GAS7: variants seen among roughly 807,000 people sequenced by gnomAD.
GAS7 encodes the protein growth arrest-specific protein 7.
Under a neutral mutation model 71.1 loss-of-function variants are expected in GAS7, and 28 were observed. That is an observed-to-expected ratio of 0.39 (90% confidence interval 0.29 to 0.54). GAS7 has a LOEUF of 0.54. Among genes scored for constraint, GAS7 ranks in the 20% least tolerant of loss-of-function variants. The pLI, the probability that GAS7 is intolerant of heterozygous loss-of-function variation, is 0.62. For missense variants in GAS7, 436 were observed against 627.8 expected (o/e 0.69, Z 3.27); for synonymous variants, 258 against 245.8 (o/e 1.05, Z -0.46).
intron 2 of GAS7, among the ~76,000 whole-genome samples, chr17:10,006,807 T>C (rs929210033): frequency 1.3e-5 from 2 of 152,172 alleles, no homozygotes; most frequent in Admixed American, 6.5e-5. Context: ...CTGGAAAATA[T>C]ACACAAGTCA....
intron 3 of GAS7, among the ~76,000 whole-genome samples, chr17:9,970,182 G>C (rs2069902383): frequency 6.6e-6 from 1 of 152,124 alleles, no homozygotes; most frequent in Non-Finnish European, 1.5e-5. Flanking sequence ...AGCTTTCTTA[G>C]TAACTTCTCC....
At chr17:9,977,944 G>A (rs1421181203) in intron 3 of GAS7, among the ~76,000 whole-genome samples, 2 of 152,186 alleles carry the variant, frequency 1.3e-5, no homozygotes, top group African/African-American at 2.4e-5. Flanking sequence ...TGGGCATGGC[G>A]GCTCATGCCT....
chr17:9,967,583 A>G (rs1178305561), intron 4 of GAS7, among the ~76,000 whole-genome samples: 1 of 151,884 alleles, frequency 6.6e-6, no homozygotes, highest in Non-Finnish European at 1.5e-5. Context: ...TCTGCCAAAT[A>G]AGACTGACTA....
intron 1 of GAS7, among the ~76,000 whole-genome samples, chr17:10,145,673 G>A (rs1337172552): frequency 1.3e-5 from 2 of 152,204 alleles, no homozygotes; most frequent in East Asian, 1.9e-4. Context: ...ATACAACCAC[G>A]CTTGCTGCTG....
At chr17:10,155,135 C>G (rs1376287211) in intron 1 of GAS7, among the ~76,000 whole-genome samples, 36 of 152,096 alleles carry the variant, frequency 2.4e-4, no homozygotes, top group Non-Finnish European at 2.9e-5. Flanking sequence ...CTGTCTCAGC[C>G]TCCCGAGTAC....
At chr17:10,118,232 G>A (rs999194652) in intron 1 of GAS7, among the ~76,000 whole-genome samples, 3 of 152,164 alleles carry the variant, frequency 2.0e-5, no homozygotes, top group Admixed American at 2.0e-4. Context: ...CGGTTTCTCA[G>A]CCAGGTATTT....
At chr17:10,058,746 C>T (rs1264933585) in intron 1 of GAS7, among the ~76,000 whole-genome samples, 1 of 152,208 alleles carries the variant, frequency 6.6e-6, no homozygotes, top group East Asian at 1.9e-4. Flanking sequence ...AATAGGTTCA[C>T]ACTGGCCGTA....
chr17:9,975,542 TTTCC>T (rs552632931), intron 3 of GAS7, among the ~76,000 whole-genome samples: 8 of 148,796 alleles, frequency 5.4e-5, no homozygotes, highest in South Asian at 4.5e-4. Flanking sequence ...CCCCCCCCTT[TTTCC>T]TTCCTTCCAC....
chr17:10,104,096 CAG>C (rs2073734851), intron 1 of GAS7, among the ~76,000 whole-genome samples: 2 of 152,146 alleles, frequency 1.3e-5, no homozygotes, highest in Admixed American at 1.3e-4. Flanking sequence ...CTTCTCCTAA[CAG>C]AAAAAATTTT....
At chr17:9,920,696 C>A (rs532694148) in intron 11 of GAS7, among the ~76,000 whole-genome samples, 2 of 152,336 alleles carry the variant, frequency 1.3e-5, no homozygotes, top group East Asian at 1.9e-4. Flanking sequence ...GCACAGCTCT[C>A]ATGCACGGCT....
At chr17:9,920,182 A>AGTGT (rs59320661) in intron 11 of GAS7, among the ~76,000 whole-genome samples, 22,792 of 141,024 alleles carry the variant, frequency 0.16, 1,753 homozygotes, top group Non-Finnish European at 0.18. Flanking sequence ...AGATCATGTA[A>AGTGT]GTGTGTGTGT....
intron 1 of GAS7, among the ~76,000 whole-genome samples, chr17:10,109,959 C>CA: frequency 6.7e-6 from 1 of 148,886 alleles, no homozygotes; most frequent in Non-Finnish European, 1.5e-5. Context: ...GAGGATGAGG[C>CA]AGGAGAATCA....
intron 1 of GAS7, chr17:10,036,287 G>C: frequency 1.3e-6 from 1 of 741,096 alleles, no homozygotes; most frequent in Non-Finnish European, 2.4e-6. Context: ...CTAGCACACA[G>C]GGTCCCCAGA....
In GAS7 at chr17:10,109,984, G is replaced by A. The variant is rs2073795101; in HGVS notation, c.183+88224C>T. Among the ~76,000 whole-genome samples, 8 of 151,552 alleles carry A rather than the reference G, an allele frequency of 5.3e-5. No homozygotes were observed. In the South Asian group the frequency reaches 1.7e-3, roughly 32 times the overall value. ...CAGGAGAATCACTTGAACCCGGGAG[G>A]TGGAGGTTGCAGTGAGCCGAGATTG... On this transcript the variant is annotated intron_variant, in intron 1 of 13. Transcript: ENST00000432992.
chr17:10,031,578 C>T (rs1051024963), intron 1 of GAS7, among the ~76,000 whole-genome samples: 2 of 152,202 alleles, frequency 1.3e-5, no homozygotes, highest in East Asian at 1.9e-4. Context: ...ATGCCTTCCA[C>T]GTGGGCCTTG....
chr17:10,196,434 G>T (rs4525532), intron 1 of GAS7, among the ~76,000 whole-genome samples: 1 of 151,964 alleles, frequency 6.6e-6, no homozygotes, highest in African/African-American at 2.4e-5. Flanking sequence ...TGCTTCTGTT[G>T]CAAGTTACTA....
At chr17:10,166,894 A>C (rs2074297879) in intron 1 of GAS7, among the ~76,000 whole-genome samples, 1 of 152,134 alleles carries the variant, frequency 6.6e-6, no homozygotes, top group Non-Finnish European at 1.5e-5. Context: ...ATTCGATCAA[A>C]GGCTCCAGAG....
At chr17:10,085,561 G>A (rs975116273) in intron 1 of GAS7, among the ~76,000 whole-genome samples, 3 of 151,838 alleles carry the variant, frequency 2.0e-5, no homozygotes, top group African/African-American at 7.3e-5. Flanking sequence ...GCATGGTGGC[G>A]GGCGCTTGTA....
At chr17:10,009,508 A>C (rs1047540175) in intron 2 of GAS7, among the ~76,000 whole-genome samples, 1 of 151,960 alleles carries the variant, frequency 6.6e-6, no homozygotes, top group African/African-American at 2.4e-5. Context: ...CTTCGCTCAC[A>C]AACATAACAC....
Sources: gnomAD v4.1 joint callset for allele counts (sites outside exome capture counted in the v4.1 genomes callset) on GRCh38, gnomAD v4.1.1 for gene constraint, MANE v1.5 for transcripts, NCBI Gene and HGNC (gene_info 2026-07-23, HGNC 2026-07-21) for gene names.